CERS6: variants seen among roughly 807,000 people sequenced by gnomAD.
CERS6 encodes LAG1 homolog, ceramide synthase 6.
Under a neutral mutation model 56.8 loss-of-function variants are expected in CERS6, and 26 were observed. That is an observed-to-expected ratio of 0.46 (90% CI 0.34 to 0.63). CERS6 has a LOEUF of 0.63. CERS6 is among the 30% of genes least tolerant of loss of function. The probability of loss-of-function intolerance (pLI) is 0.01; values close to 1 mark genes in which losing one functional copy is unlikely to be tolerated. For synonymous variants in CERS6, 164 were observed against 173.3 expected (o/e 0.95, Z 0.42); for missense variants, 415 against 467.5 (o/e 0.89, Z 1.04).
At chr2:168,467,638 A>G (rs890743165) in intron 1 of CERS6, among the ~76,000 whole-genome samples, 4 of 152,250 alleles carry the variant, frequency 2.6e-5, no homozygotes, top group Admixed American at 1.3e-4. Flanking sequence ...GCAGTAATAG[A>G]CAACATATTC....
chr2:168,685,195 C>A (rs58701801), intron 4 of CERS6, among the ~76,000 whole-genome samples: 1 of 152,142 alleles, frequency 6.6e-6, no homozygotes, highest in African/African-American at 2.4e-5. Context: ...ATGCTGATTT[C>A]GAGTAAATAC....
chr2:168,745,357 T>C (rs975077106), intron 8 of CERS6, among the ~76,000 whole-genome samples: 1 of 152,028 alleles, frequency 6.6e-6, no homozygotes. Flanking sequence ...TTCTCCTGCC[T>C]CAGCCTCCCG....
intron 3 of CERS6, among the ~76,000 whole-genome samples, chr2:168,605,659 C>T (rs1482743187): frequency 2.0e-5 from 3 of 152,180 alleles, no homozygotes; most frequent in Non-Finnish European, 2.9e-5. Context: ...GACCCTGCTT[C>T]CCTGCCTTGG....
chr2:168,574,404 G>A (rs921766023), intron 3 of CERS6, among the ~76,000 whole-genome samples: 6 of 63,300 alleles, frequency 9.5e-5, no homozygotes, highest in Admixed American at 3.1e-4. Flanking sequence ...GTGTGTGTGT[G>A]TGTGTGTGTG....
At chr2:168,755,087 T>C (rs933484991) in intron 8 of CERS6, among the ~76,000 whole-genome samples, 2 of 152,222 alleles carry the variant, frequency 1.3e-5, no homozygotes, top group Admixed American at 6.5e-5. Flanking sequence ...TCTGTTTTAA[T>C]GTAAATTTTA....
chr2:168,471,270 T>C (rs1202351870), intron 1 of CERS6, among the ~76,000 whole-genome samples: 1 of 152,242 alleles, frequency 6.6e-6, no homozygotes, highest in African/African-American at 2.4e-5. Flanking sequence ...CTTTTGGCCC[T>C]GAGCCCTGGT....
chr2:168,481,236 T>A (rs1329587320), intron 1 of CERS6, among the ~76,000 whole-genome samples: 1 of 152,084 alleles, frequency 6.6e-6, no homozygotes, highest in Non-Finnish European at 1.5e-5. Flanking sequence ...TAACATGGTG[T>A]AACCCCGTCT....
At chr2:168,678,581 C>A (rs1686127950) in intron 4 of CERS6, among the ~76,000 whole-genome samples, 1 of 152,126 alleles carries the variant, frequency 6.6e-6, no homozygotes, top group Non-Finnish European at 1.5e-5. Flanking sequence ...AATGAGAAGA[C>A]CTGTCTGTAC....
At chr2:168,477,893 T>C (rs1246239278) in intron 1 of CERS6, among the ~76,000 whole-genome samples, 1 of 152,248 alleles carries the variant, frequency 6.6e-6, no homozygotes, top group Non-Finnish European at 1.5e-5. Flanking sequence ...GCCACTTGTA[T>C]TTAGTTTTCC....
chr2:168,758,195 G>A (rs2105454680), intron 8 of CERS6, among the ~76,000 whole-genome samples: 1 of 152,236 alleles, frequency 6.6e-6, no homozygotes, highest in South Asian at 2.1e-4. Flanking sequence ...GAACATCCAT[G>A]CCAGAGAAAC....
chr2:168,740,535 G>T, intron 8 of CERS6, among the ~76,000 whole-genome samples: 1 of 152,124 alleles, frequency 6.6e-6, no homozygotes, highest in East Asian at 1.9e-4. Flanking sequence ...TTATGAAGAC[G>T]TATCAACTGC....
intron 3 of CERS6, among the ~76,000 whole-genome samples, chr2:168,595,740 A>G (rs1196116634): frequency 6.6e-6 from 1 of 152,238 alleles, no homozygotes; most frequent in African/African-American, 2.4e-5. Flanking sequence ...ATCAAATAAC[A>G]TCTAATGTTT....
chr2:168,546,386 G>C (rs1322273285), intron 1 of CERS6, among the ~76,000 whole-genome samples: 2 of 152,158 alleles, frequency 1.3e-5, no homozygotes, highest in Admixed American at 6.5e-5. Flanking sequence ...CAGTGTACCA[G>C]GTATTACGGT....
chr2:168,588,393 C>G (rs1683593866), intron 3 of CERS6, among the ~76,000 whole-genome samples: 3 of 151,864 alleles, frequency 2.0e-5, no homozygotes, highest in Admixed American at 2.0e-4. Flanking sequence ...ATTTTATACC[C>G]ATTAAACACT....
In CERS6 at chr2:168,656,743, G is replaced by A. The variant is rs568052490; in HGVS notation, c.465+25701G>A. The stretch of plus-strand genomic sequence containing the variant: ...GCTTCCACAGTGTGGAAGGGGACCC[G>A]AGCGGGTTGCCACTGCTGGCTCGGG... On this transcript the variant is annotated intron_variant, in intron 4 of 9. Transcript: ENST00000305747. Among the ~76,000 whole-genome samples, 1,156 of 152,174 alleles carry A rather than the reference G, an allele frequency of 7.6e-3. 16 individuals carry two copies. The highest frequency in any genetic ancestry group is 0.025 in the African/African-American group (1,047 of 41,516).
chr2:168,558,526 A>T (rs1034164849), intron 2 of CERS6, among the ~76,000 whole-genome samples: 1 of 152,260 alleles, frequency 6.6e-6, no homozygotes, highest in Non-Finnish European at 1.5e-5. Flanking sequence ...ACAAGGGGTG[A>T]TATAATAATA....
intron 8 of CERS6, among the ~76,000 whole-genome samples, chr2:168,756,896 G>GA (rs1343997517): frequency 3.3e-5 from 5 of 151,646 alleles, no homozygotes; most frequent in Non-Finnish European, 5.9e-5. Flanking sequence ...ACACACTGTG[G>GA]AAAAAAAAGA....
At chr2:168,613,646 T>C (rs1684240222) in intron 3 of CERS6, among the ~76,000 whole-genome samples, 1 of 152,218 alleles carries the variant, frequency 6.6e-6, no homozygotes, top group Admixed American at 6.5e-5. Context: ...CCTGTGAGTA[T>C]CATAGGTGTA....
intron 8 of CERS6, among the ~76,000 whole-genome samples, chr2:168,755,809 A>C (rs1684400574): frequency 6.6e-6 from 1 of 152,228 alleles, no homozygotes; most frequent in Non-Finnish European, 1.5e-5. Context: ...AGTTCAGTGA[A>C]TTATCAGAAT....
Sources: gnomAD v4.1 joint callset for allele counts (sites outside exome capture counted in the v4.1 genomes callset) on GRCh38, gnomAD v4.1.1 for gene constraint, MANE v1.5 for transcripts, NCBI Gene and HGNC (gene_info 2026-07-23, HGNC 2026-07-21) for gene names.